The following PPP2R5A variants were observed in gnomAD, a reference collection of about 807,000 sequenced individuals.
PPP2R5A encodes serine/threonine-protein phosphatase 2A 56 kDa regulatory subunit alpha isoform.
In PPP2R5A, 25 loss-of-function variants were observed where a neutral mutation model predicts 64.2. The ratio of observed to expected loss-of-function variants is 0.39; its 90% CI spans 0.28 to 0.54. The LOEUF is 0.54. Among genes scored for constraint, PPP2R5A ranks in the 20% least tolerant of loss-of-function variants. The probability of loss-of-function intolerance (pLI) is 0.67; values close to 1 mark genes in which losing one functional copy is unlikely to be tolerated. For missense variants in PPP2R5A, 425 were observed against 576.3 expected (o/e 0.74, Z 2.69); for synonymous variants, 198 against 201.2 (o/e 0.98, Z 0.13).
At chr1:212,348,211 A>C (rs1659816784) in intron 6 of PPP2R5A, among the ~76,000 whole-genome samples, 178 bp from the exon 7 acceptor site, 1 of 152,230 alleles carries the variant, frequency 6.6e-6, no homozygotes, top group Non-Finnish European at 1.5e-5. Flanking sequence ...GGAATCATCA[A>C]ATGACTTAGA....
chr1:212,293,089 A>G (rs763510825), intron 1 of PPP2R5A, among the ~76,000 whole-genome samples: 5 of 152,208 alleles, frequency 3.3e-5, no homozygotes, highest in African/African-American at 7.2e-5. Context: ...AACAACAACA[A>G]CAAAATAAGG....
intron 1 of PPP2R5A, chr1:212,309,503 TC>T: frequency 1.3e-6 from 1 of 769,770 alleles, no homozygotes; most frequent in Non-Finnish European, 2.3e-6. Context: ...GCTTCCTTCT[TC>T]GCTTTCGGCG....
At chr1:212,310,631 C>G (rs1341243859) in intron 1 of PPP2R5A, among the ~76,000 whole-genome samples, 1 of 152,190 alleles carries the variant, frequency 6.6e-6, no homozygotes, top group African/African-American at 2.4e-5. Flanking sequence ...AGCCCGAGGT[C>G]TTCTTTTTGG....
At chr1:212,294,869 G>C (rs1216229103) in intron 1 of PPP2R5A, among the ~76,000 whole-genome samples, 2 of 152,190 alleles carry the variant, frequency 1.3e-5, no homozygotes, top group Admixed American at 6.5e-5. Flanking sequence ...CAGGTAAACT[G>C]CCATCTAAAA....
At chr1:212,349,266 G>T in intron 8 of PPP2R5A, 24 bp downstream of exon 8, 1 of 1,529,064 alleles carries the variant, frequency 6.5e-7, no homozygotes, top group Non-Finnish European at 8.9e-7. Flanking sequence ...TTATTTTCAT[G>T]TTTTTGGTCT....
chr1:212,334,336 C>T (rs555216163), intron 3 of PPP2R5A, among the ~76,000 whole-genome samples: 31 of 152,148 alleles, frequency 2.0e-4, no homozygotes, highest in African/African-American at 7.5e-4. Context: ...GTCACCCAGG[C>T]TGGAGTGTAG....
chr1:212,337,906 T>G (rs1327349957), intron 3 of PPP2R5A, among the ~76,000 whole-genome samples: 1 of 151,382 alleles, frequency 6.6e-6, no homozygotes, highest in African/African-American at 2.5e-5. Flanking sequence ...TATAGTTGAC[T>G]ATGCATTAAT....
Position 212,345,844 on chromosome 1 carries a change from C to A in PPP2R5A, c.615C>A (p.Asp205Glu). 6.2e-7 allele frequency: 1 copy of A among 1,610,570 alleles called. No homozygotes were observed. Residue 205 changes from aspartate (D) to glutamate (E), a missense_variant, in exon 5 of 13, where the codon GAC becomes GAA. Physicochemically the swap from Asp to Glu is conservative, Grantham distance 45. Coordinates refer to ENST00000261461, the MANE Select transcript of PPP2R5A (RefSeq NM_006243.4). ...ATAGTGAAGATCCCAGAGAACGTGA[C>A]TTCCTGAAGACTGTTCTGCACCGAA... ...LFDSEDPRER[D>E]FLKTVLHRIY...
At chr1:212,322,341 C>T (rs946804282) in intron 1 of PPP2R5A, among the ~76,000 whole-genome samples, 2 of 151,422 alleles carry the variant, frequency 1.3e-5, no homozygotes, top group Non-Finnish European at 2.9e-5. Flanking sequence ...AGCAAGAAGA[C>T]AGGCTGATCT....
At chr1:212,292,724 T>C (rs1658623215) in intron 1 of PPP2R5A, among the ~76,000 whole-genome samples, 1 of 152,176 alleles carries the variant, frequency 6.6e-6, no homozygotes, top group South Asian at 2.1e-4. Context: ...CACACCCAGC[T>C]AAGTTTTTTA....
At chr1:212,302,536 T>C (rs1451491214) in intron 1 of PPP2R5A, among the ~76,000 whole-genome samples, 2 of 152,172 alleles carry the variant, frequency 1.3e-5, no homozygotes, top group Non-Finnish European at 2.9e-5. Context: ...CTCTCAGCAA[T>C]GTTTTGGGTA....
intron 1 of PPP2R5A, among the ~76,000 whole-genome samples, 190 bp from the exon 2 acceptor site, chr1:212,328,945 T>G (rs1021657609): frequency 6.6e-6 from 1 of 152,144 alleles, no homozygotes; most frequent in Non-Finnish European, 1.5e-5. Context: ...TAATGATTGA[T>G]TGTGAGTAAT....
chr1:212,345,337 C>T (rs964619172), intron 4 of PPP2R5A, among the ~76,000 whole-genome samples: 2 of 152,078 alleles, frequency 1.3e-5, no homozygotes, highest in Non-Finnish European at 2.9e-5. Flanking sequence ...AAAAAGAAGT[C>T]TTAGTATATG....
intron 1 of PPP2R5A, among the ~76,000 whole-genome samples, chr1:212,290,387 A>G (rs1658578781): frequency 1.3e-5 from 2 of 152,316 alleles, no homozygotes; most frequent in Admixed American, 1.3e-4. Flanking sequence ...CCATCTAAAC[A>G]CAGTTGGGAT....
At chr1:212,306,373 G>T (rs189342883) in intron 1 of PPP2R5A, among the ~76,000 whole-genome samples, 4 of 151,634 alleles carry the variant, frequency 2.6e-5, no homozygotes, top group Admixed American at 1.3e-4. Context: ...GGGTAACTAC[G>T]AATTAAAAAA....
intron 3 of PPP2R5A, among the ~76,000 whole-genome samples, chr1:212,341,911 G>T (rs1050055503): frequency 4.6e-5 from 7 of 151,898 alleles, no homozygotes; most frequent in African/African-American, 1.7e-4. Context: ...CTAATTTTTT[G>T]ATTATTTGTA....
chr1:212,348,959 A>AAT (rs1659829820), intron 7 of PPP2R5A, among the ~76,000 whole-genome samples: 1 of 152,150 alleles, frequency 6.6e-6, no homozygotes, highest in African/African-American at 2.4e-5. Flanking sequence ...TTACTACTAA[A>AAT]AATGTTTTTT....
chr1:212,316,560 C>T (rs996988381), intron 1 of PPP2R5A, among the ~76,000 whole-genome samples: 1 of 123,312 alleles, frequency 8.1e-6, no homozygotes, highest in Non-Finnish European at 1.7e-5. Flanking sequence ...ATAAGAAATT[C>T]CATGGATATT....
At chr1:212,317,776 A>T (rs1659186078) in intron 1 of PPP2R5A, among the ~76,000 whole-genome samples, 1 of 152,078 alleles carries the variant, frequency 6.6e-6, no homozygotes, top group Non-Finnish European at 1.5e-5. Context: ...TCACAAAGTC[A>T]GGAGTTCGAG....
Sources: allele counts gnomAD v4.1 joint callset (sites outside exome capture counted in the v4.1 genomes callset), GRCh38; gene constraint gnomAD v4.1.1; transcripts MANE v1.5; gene names NCBI Gene and HGNC (gene_info 2026-07-23, HGNC 2026-07-21).